The following NIPBL variants were observed in gnomAD, a reference collection of about 807,000 sequenced individuals.
The protein encoded by NIPBL is NIPBL cohesin loading factor.
A neutral mutation model predicts 321.8 loss-of-function variants in NIPBL; 19 were observed. The observed-to-expected ratio is 0.06, with a 90% confidence interval of 0.04 to 0.09. The LOEUF is 0.09. Among genes scored for constraint, NIPBL ranks in the 10% least tolerant of loss-of-function variants. The probability of loss-of-function intolerance (pLI) is 1.00; values close to 1 mark genes in which losing one functional copy is unlikely to be tolerated. For missense variants in NIPBL, 2,210 were observed against 3,327.0 expected, an observed-to-expected ratio of 0.66 and a Z score of 8.26; for synonymous variants, 1,106 against 1,114.1, an observed-to-expected ratio of 0.99 and a Z score of 0.14.
At chr5:36,934,233 T>C (rs1336987047) in intron 1 of NIPBL, among the ~76,000 whole-genome samples, 3 of 152,128 alleles carry the variant, frequency 2.0e-5, no homozygotes, top group Non-Finnish European at 4.4e-5. Context: ...AGCATTGTGC[T>C]AGGTATTATG....
intron 1 of NIPBL, among the ~76,000 whole-genome samples, chr5:36,950,952 C>T (rs1276385830): frequency 1.3e-5 from 2 of 152,156 alleles, no homozygotes. Context: ...ATTGTAACCT[C>T]ATTTCTACCA....
At chr5:36,933,711 G>A (rs1749953872) in intron 1 of NIPBL, among the ~76,000 whole-genome samples, 1 of 151,904 alleles carries the variant, frequency 6.6e-6, no homozygotes, top group Non-Finnish European at 1.5e-5. Flanking sequence ...ATTTAATTCG[G>A]TAGCAGTAAG....
intron 30 of NIPBL, among the ~76,000 whole-genome samples, chr5:37,025,044 C>T (rs879891665): frequency 1.5e-4 from 23 of 152,024 alleles, no homozygotes; most frequent in Non-Finnish European, 3.4e-4. Flanking sequence ...TCAGCCTGGG[C>T]AACATAGTAA....
At chr5:36,962,345 A>C in intron 6 of NIPBL, 71 bp downstream of exon 6, 1 of 1,519,812 alleles carries the variant, frequency 6.6e-7, no homozygotes. Flanking sequence ...TGTTTTTTAA[A>C]ATATAATTAT....
chr5:36,960,455 G>C (rs575155837), intron 4 of NIPBL, among the ~76,000 whole-genome samples: 1 of 152,014 alleles, frequency 6.6e-6, no homozygotes, highest in Admixed American at 6.5e-5. Flanking sequence ...TGCTGAGTTT[G>C]AGTTGGAAAA....
intron 1 of NIPBL, chr5:36,885,391 C>T: frequency 2.2e-6 from 1 of 453,120 alleles, no homozygotes; most frequent in Middle Eastern, 7.2e-4. Flanking sequence ...GGTCCAGGGG[C>T]CTGGCCAAGT....
At chr5:37,045,697 T>G in intron 37 of NIPBL, 100 bp downstream of exon 37, 1 of 1,230,280 alleles carries the variant, frequency 8.1e-7, no homozygotes, top group East Asian at 2.3e-5. Flanking sequence ...AACATTAGAG[T>G]AGTCTGGTTT....
At chr5:36,962,755 A>T (rs892631099) in intron 6 of NIPBL, among the ~76,000 whole-genome samples, 4 of 152,176 alleles carry the variant, frequency 2.6e-5, no homozygotes, top group African/African-American at 9.7e-5. Flanking sequence ...TGTCGTTATT[A>T]CATAAACAAT....
chr5:37,029,786 A>T (rs1251058357), intron 32 of NIPBL, among the ~76,000 whole-genome samples: 2 of 152,090 alleles, frequency 1.3e-5, no homozygotes, highest in African/African-American at 4.8e-5. Context: ...CTTTCTTAAG[A>T]TGTCTTTTTT....
chr5:37,061,026 G>T lies in NIPBL; in HGVS notation c.7860+8G>T. The T allele has an allele frequency of 6.2e-7, 1 of 1,613,356 alleles. No homozygotes were observed. The highest frequency in any genetic ancestry group is 8.5e-7 in the Non-Finnish European group (1 of 1,179,446). On this transcript the variant is annotated splice_region_variant and intron_variant, in intron 45 of 46. Coordinates refer to ENST00000282516, the MANE Select transcript of NIPBL (RefSeq NM_133433.4). Reference sequence around the variant, plus strand: ...GTAAAACAGTATCTAGATGTGAGTAGTAAAACCAAAAGTTTTTACTTCTCA... The same window carrying T: ...GTAAAACAGTATCTAGATGTGAGTATTAAAACCAAAAGTTTTTACTTCTCA...
At chr5:36,937,375 A>G (rs1332656678) in intron 1 of NIPBL, among the ~76,000 whole-genome samples, 1 of 152,176 alleles carries the variant, frequency 6.6e-6, no homozygotes, top group Non-Finnish European at 1.5e-5. Flanking sequence ...TTTTGAGAAA[A>G]TGTATTAATA....
At position 37,007,996 on chromosome 5, in the gene NIPBL, T is replaced by C. The variant is rs1315941916; in HGVS notation, c.4240-12T>C. Reference sequence around the variant, plus strand: ...TAAAGGTGTATACTACTTACTCTTCTTTTTTAAACAGGTTTCATCTATGGG... The same window carrying C: ...TAAAGGTGTATACTACTTACTCTTCCTTTTTAAACAGGTTTCATCTATGGG... On this transcript the variant is annotated splice_polypyrimidine_tract_variant and intron_variant, in intron 18 of 46. Coordinates refer to ENST00000282516, the MANE Select transcript of NIPBL (RefSeq NM_133433.4). The C allele has an allele frequency of 6.5e-7, 1 of 1,549,584 alleles. No individual in the cohort carries two copies. Among genetic ancestry groups the C allele is most frequent in the Non-Finnish European group, 8.9e-7 (1 of 1,121,708 alleles).
intron 6 of NIPBL, among the ~76,000 whole-genome samples, chr5:36,966,516 C>G (rs1220771261): frequency 2.0e-5 from 3 of 152,026 alleles, no homozygotes. Flanking sequence ...TGGTGAACCT[C>G]TCTTTATTGT....
chr5:37,010,545 A>T (rs534239930), intron 21 of NIPBL, among the ~76,000 whole-genome samples: 1 of 152,126 alleles, frequency 6.6e-6, no homozygotes, highest in East Asian at 1.9e-4. Flanking sequence ...CGAACTCATG[A>T]TCCACCCTCC....
intron 1 of NIPBL, among the ~76,000 whole-genome samples, chr5:36,905,869 A>T (rs1277909984): frequency 6.6e-6 from 1 of 151,710 alleles, no homozygotes; most frequent in Non-Finnish European, 1.5e-5. Context: ...TCAGCCTCCC[A>T]AGTAGCTGGA....
At chr5:36,998,374 C>G (rs557816170) in intron 11 of NIPBL, among the ~76,000 whole-genome samples, 3 of 151,866 alleles carry the variant, frequency 2.0e-5, no homozygotes, top group African/African-American at 7.2e-5. Flanking sequence ...GGATAGTTAC[C>G]ACCAATACAG....
chr5:36,986,175 G>A lies in NIPBL; in HGVS notation c.2995G>A (p.Ala999Thr), dbSNP rs1171189444. The A allele has an allele frequency of 5.0e-6, 8 of 1,613,160 alleles. No individual in the cohort carries two copies. The highest frequency in any genetic ancestry group is 6.8e-6 in the Non-Finnish European group (8 of 1,179,726). The change falls in exon 10 of 47, where the codon GCT (alanine) becomes ACT (threonine). Residue 999 changes from alanine to threonine, a missense_variant. Around this residue, in one of 14 missense-constraint regions of NIPBL, gnomAD observed 381 missense variants for 642.3 expected, o/e 0.59. Coordinates refer to ENST00000282516, the MANE Select transcript of NIPBL (RefSeq NM_133433.4). The stretch of plus-strand genomic sequence containing the variant: ...ATTAGTTGAAGATCTAAATAAAGGA[G>A]CTAAGCCTGTAGTTGTGCTACAAAA... ...IGLVEDLNKGAKPVVVLQKLS... is the reference protein window; with the variant it reads ...IGLVEDLNKGTKPVVVLQKLS...
chr5:37,036,312 A>C, intron 32 of NIPBL, 67 bp from the exon 33 acceptor site: 9 of 329,180 alleles, frequency 2.7e-5, no homozygotes, highest in South Asian at 1.0e-4. Context: ...GAATAATTAT[A>C]CCGGGATTTT....
chr5:37,030,343 C>T (rs1750844406), intron 32 of NIPBL, among the ~76,000 whole-genome samples: 1 of 152,038 alleles, frequency 6.6e-6, no homozygotes, highest in African/African-American at 2.4e-5. Context: ...TTTCCTTATA[C>T]TAGCAGAGTT....
Sources: allele counts gnomAD v4.1 joint callset (sites outside exome capture counted in the v4.1 genomes callset), GRCh38; gene constraint gnomAD v4.1.1; regional missense constraint gnomAD v4.1.1; transcripts MANE v1.5; gene names NCBI Gene and HGNC (gene_info 2026-07-23, HGNC 2026-07-21).